PABPC4L: variants seen among roughly 807,000 people sequenced by gnomAD.
PABPC4L encodes the protein poly(A) binding protein cytoplasmic 4 like.
For missense variants in PABPC4L, 452 were observed against 451.4 expected, an observed-to-expected ratio of 1.00 and a Z score of -0.01; for synonymous variants, 169 against 164.1, an observed-to-expected ratio of 1.03 and a Z score of -0.23.
At chr4:134,111,609 G>C in the PABPC4L span, among the ~76,000 whole-genome samples, 1 of 151,904 alleles carries the variant, frequency 6.6e-6, no homozygotes, top group Non-Finnish European at 1.5e-5. Context: ...AAATCAAAGT[G>C]TGGAAGGGAT....
the PABPC4L span, among the ~76,000 whole-genome samples, chr4:134,164,294 A>G: frequency 0.017 from 2,108 of 122,384 alleles, 50 homozygotes; most frequent in Middle Eastern, 0.073. Context: ...AAAAAAAAAT[A>G]GAAGTCCTGG....
the PABPC4L span, among the ~76,000 whole-genome samples, chr4:134,018,152 G>T: frequency 0.026 from 3,881 of 151,988 alleles, 91 homozygotes; most frequent in Non-Finnish European, 0.038. Context: ...GCTCATCCTG[G>T]CTCAAAAGCT....
the PABPC4L span, among the ~76,000 whole-genome samples, chr4:134,095,326 A>T: frequency 6.6e-6 from 1 of 151,976 alleles, no homozygotes; most frequent in Admixed American, 6.6e-5. Flanking sequence ...TATTCACTCT[A>T]GTGTGATACA....
rs954031156 is a variant in PABPC4L, at chr4:134,199,087, A to G, written c.*820T>C. 9.9e-5 allele frequency: 15 copies of G among 152,072 alleles called. No individual in the cohort carries two copies. The highest frequency in any genetic ancestry group is 7.2e-4 in the Admixed American group (11 of 15,272). The allele number at this position is 152,072 out of a possible 1,614,324, so 9.4% of individuals were successfully genotyped here. ...TTAGCATCTGGTAAAAATTTAAGAT[A>G]ATATATTAAGCCATATAGGTATGAA... On this transcript the variant is annotated 3_prime_UTR_variant, in exon 2 of 2. Transcript: ENST00000421491.
At chr4:134,195,360 T>G (rs1389761733), downstream of PABPC4L, among the ~76,000 whole-genome samples, 1 of 151,712 alleles carries the variant, frequency 6.6e-6, no homozygotes, top group Non-Finnish European at 1.5e-5. Flanking sequence ...CCATTAGACA[T>G]GGCTTCCTGA....
the PABPC4L span, among the ~76,000 whole-genome samples, chr4:134,048,040 G>A: frequency 9.9e-5 from 15 of 151,962 alleles, no homozygotes; most frequent in East Asian, 1.9e-3. Context: ...AGTTTTATTC[G>A]ATTGAAGAAA....
At chr4:134,002,039 T>C in the PABPC4L span, among the ~76,000 whole-genome samples, 1 of 151,998 alleles carries the variant, frequency 6.6e-6, no homozygotes, top group African/African-American at 2.4e-5. Flanking sequence ...AATTTCAAAA[T>C]GTGAGATAAT....
the PABPC4L span, among the ~76,000 whole-genome samples, chr4:134,066,795 G>T: frequency 6.6e-6 from 1 of 151,988 alleles, no homozygotes; most frequent in African/African-American, 2.4e-5. Flanking sequence ...CTATTGAGAT[G>T]ATCATTAGCT....
the PABPC4L span, chr4:133,978,948 C>T: frequency 3.9e-5 from 6 of 152,160 alleles, no homozygotes; most frequent in African/African-American, 1.4e-4. Context: ...AAACCAGCAG[C>T]AAACATTCAT....
chr4:134,071,564 G>T, the PABPC4L span, among the ~76,000 whole-genome samples: 2 of 152,120 alleles, frequency 1.3e-5, 1 homozygote, highest in Non-Finnish European at 2.9e-5. Flanking sequence ...TGCCTTTTGA[G>T]GCAAACTGTT....
the PABPC4L span, among the ~76,000 whole-genome samples, chr4:133,974,404 T>C: frequency 1.3e-5 from 2 of 152,106 alleles, no homozygotes; most frequent in Non-Finnish European, 2.9e-5. Context: ...GAATTTTAAA[T>C]TATGAAATCC....
At chr4:133,960,212 C>T in the PABPC4L span, among the ~76,000 whole-genome samples, 3 of 152,150 alleles carry the variant, frequency 2.0e-5, no homozygotes, top group Admixed American at 6.5e-5. Flanking sequence ...CAGACTGCTC[C>T]TGAAGGACCC....
the PABPC4L span, among the ~76,000 whole-genome samples, chr4:134,084,947 C>T: frequency 1.3e-5 from 2 of 152,180 alleles, no homozygotes; most frequent in South Asian, 2.1e-4. Flanking sequence ...GGAAAACCCT[C>T]AGCAAAGGGA....
the PABPC4L span, among the ~76,000 whole-genome samples, chr4:134,004,503 A>T: frequency 6.6e-6 from 1 of 151,886 alleles, no homozygotes; most frequent in Non-Finnish European, 1.5e-5. Context: ...ATGTGGAGAG[A>T]TCCTATGTAC....
Position 134,196,705 on chromosome 4 carries a change from T to G in PABPC4L, c.*3202A>C, listed in dbSNP as rs77890087. 1,694 of 151,854 alleles carry G rather than the reference T, an allele frequency of 0.011. 34 individuals are homozygous for G. The highest frequency in any genetic ancestry group is 0.036 in the African/African-American group (1,483 of 41,542). 9.4% of individuals were successfully genotyped at this position (151,854 alleles called of 1,614,324 possible). ...TAATATTCTTTAATGAATGAATCTC[T>G]ATTTTCAACTAAGATAACTTGCTAT... On this transcript the variant is annotated 3_prime_UTR_variant, in exon 2 of 2. Transcript: ENST00000421491.
chr4:134,075,626 A>G, the PABPC4L span, among the ~76,000 whole-genome samples: 4 of 152,304 alleles, frequency 2.6e-5, no homozygotes, highest in East Asian at 7.7e-4. Context: ...GTGATTTAAT[A>G]TAAGATGACT....
In PABPC4L at chr4:134,196,563, G is replaced by A. The variant is rs1412091601; in HGVS notation, c.*3344C>T. The A allele has an allele frequency of 2.6e-5, 4 of 151,710 alleles. No individual in the cohort carries two copies. The highest frequency in any genetic ancestry group is 9.7e-5 in the African/African-American group (4 of 41,402). The allele number at this position is 151,710 out of a possible 1,614,324, so 9.4% of individuals were successfully genotyped here. On this transcript the variant is annotated 3_prime_UTR_variant, in exon 2 of 2. Coordinates refer to ENST00000421491, the MANE Select transcript of PABPC4L (RefSeq NM_001114734.2). ...GACGTGGCAATATGTGTGGAGAGAA[G>A]GGTGAAAGTAGAAACAGTGGCTCAA...
the PABPC4L span, among the ~76,000 whole-genome samples, chr4:134,064,104 G>A: frequency 2.1e-4 from 32 of 151,938 alleles, no homozygotes; most frequent in African/African-American, 6.5e-4. Flanking sequence ...TATTCTCCAC[G>A]ATAATTAGGT....
chr4:134,124,751 C>T, the PABPC4L span, among the ~76,000 whole-genome samples: 5 of 151,948 alleles, frequency 3.3e-5, no homozygotes, highest in African/African-American at 1.2e-4. Context: ...TGGCCTGGTG[C>T]AATTATGGCA....
Sources: allele counts gnomAD v4.1 joint callset (sites outside exome capture counted in the v4.1 genomes callset), GRCh38; gene constraint gnomAD v4.1.1; transcripts MANE v1.5; gene names NCBI Gene and HGNC (gene_info 2026-07-23, HGNC 2026-07-21).